The following L3MBTL2 variants were observed in gnomAD, a reference collection of about 807,000 sequenced individuals.
The protein encoded by L3MBTL2 is lethal(3)malignant brain tumor-like protein 2.
L3MBTL2 carries 49 observed loss-of-function variants against 86.4 expected under a neutral mutation model. The observed-to-expected ratio is 0.57, with a 90% CI of 0.45 to 0.72. L3MBTL2 has a LOEUF of 0.72. Ranked by LOEUF, L3MBTL2 falls within the 30% of genes least tolerant of loss-of-function variation. L3MBTL2 has a pLI of 0.00. For synonymous variants in L3MBTL2, 336 were observed against 350.6 expected, an observed-to-expected ratio of 0.96 and a Z score of 0.47; for missense variants, 755 against 923.7, an observed-to-expected ratio of 0.82 and a Z score of 2.37.
rs542966109 is a variant in L3MBTL2, at chr22:41,227,465, G to A, written c.1822+142G>A. 27 of 1,204,460 alleles carry A rather than the reference G, an allele frequency of 2.2e-5. No individual in the cohort carries two copies. Among genetic ancestry groups the A allele is most frequent in the South Asian group, 5.3e-5 (4 of 75,406 alleles). The allele number at this position is 1,204,460 out of a possible 1,614,324, so 74.6% of individuals were successfully genotyped here. ...CCACTTTAAGTAGAGAGTGAGCCCC[G>A]TCACCCAGCCCCTGCTCCTGACTTC... On this transcript the variant is annotated intron_variant, in intron 14 of 16. Transcript: ENST00000216237. The surrounding 1 kb of genome is among the most constrained non-coding windows in gnomAD (Gnocchi z 6.0).
Position 41,227,719 on chromosome 22 carries a change from G to A in L3MBTL2, c.1823-85G>A, listed in dbSNP as rs930384811. 2.3e-5 allele frequency: 37 copies of A among 1,605,780 alleles called. No homozygotes were observed. In the Middle Eastern group the frequency reaches 5.0e-4, roughly 22 times the overall value. On this transcript the variant is annotated intron_variant, in intron 14 of 16. Transcript: ENST00000216237. The surrounding 1 kb of genome is among the most constrained non-coding windows in gnomAD (Gnocchi z 6.0). ...CTTGGGGTGTCTCGTGTGGGAGGGT[G>A]GATGGGGTCTCGGGATGCGCCTGTG...
chr22:41,225,970 T>C lies in L3MBTL2; in HGVS notation c.1504+29T>C. The C allele has an allele frequency of 6.2e-7, 1 of 1,610,038 alleles. No individual in the cohort carries two copies. The highest frequency in any genetic ancestry group is 1.3e-5 in the African/African-American group (1 of 75,012). Reference sequence around the variant, plus strand: ...AGACTAGAGAGGCCACCACCTGCTGTCCTTGCCATCAGAAGGGGCAGGGTG... The same window carrying C: ...AGACTAGAGAGGCCACCACCTGCTGCCCTTGCCATCAGAAGGGGCAGGGTG... On this transcript the variant is annotated intron_variant, in intron 12 of 16. Transcript: ENST00000216237. The surrounding 1 kb of genome is among the most constrained non-coding windows in gnomAD (Gnocchi z 4.1).
At chr22:41,219,357 A>G in intron 5 of L3MBTL2, 62 bp from the exon 6 acceptor site, 1 of 1,254,028 alleles carries the variant, frequency 8.0e-7, no homozygotes, top group Non-Finnish European at 1.2e-6. Context: ...GCCGTGAGGC[A>G]GTCTGTCTCC....
rs892595851 is a variant in L3MBTL2 at position 41,225,498 on chromosome 22, G to C, written c.1357-296G>C. Among the ~76,000 whole-genome samples the C allele has an allele frequency of 6.6e-6, 1 of 152,000 alleles. No individual in the cohort carries two copies. Among genetic ancestry groups the C allele is most frequent in the Non-Finnish European group, 1.5e-5 (1 of 67,996 alleles). ...TGGAGGAGGCTGCTGACTCGTCCTC[G>C]CCGCGGATCCGCTCCATGCCGGGCG... On this transcript the variant is annotated intron_variant, in intron 11 of 16. Transcript: ENST00000216237. This position sits in a 1 kb window ranked among gnomAD's most constrained non-coding sequence, Gnocchi z 4.1.
At position 41,221,251 on chromosome 22, in the gene L3MBTL2, G is replaced by A; in HGVS notation, c.906G>A (p.Val302=). 6.4e-7 allele frequency: 1 copy of A among 1,551,530 alleles called. No homozygotes were observed. Among genetic ancestry groups the A allele is most frequent in the Non-Finnish European group, 8.7e-7 (1 of 1,146,806 alleles). Residue 302 remains valine (V), a synonymous_variant, in exon 8 of 17, where the codon GTG becomes GTA. Transcript: ENST00000216237. Reference sequence around the variant, plus strand: ...AGGGCTACCTCATGAAACGGCTGGTGGGCTCCAGGACGCTTCCCGTGGATT... The same window carrying A: ...AGGGCTACCTCATGAAACGGCTGGTAGGCTCCAGGACGCTTCCCGTGGATT... ...DWKGYLMKRL[V]GSRTLPVDFH...
chr22:41,211,223 C>T (rs1354382035), intron 2 of L3MBTL2, among the ~76,000 whole-genome samples: 2 of 152,096 alleles, frequency 1.3e-5, no homozygotes, highest in Admixed American at 6.6e-5. Flanking sequence ...TATTTTGAGG[C>T]AGGGTCTCAC....
intron 1 of L3MBTL2, chr22:41,208,342 C>G (rs117279218): frequency 0.046 from 20,637 of 445,432 alleles, 671 homozygotes; most frequent in Non-Finnish European, 0.063. Flanking sequence ...GTTGCCAAGG[C>G]TGGTCTCAAA....
intron 3 of L3MBTL2, among the ~76,000 whole-genome samples, chr22:41,215,346 C>T (rs1236531892): frequency 2.6e-5 from 4 of 152,042 alleles, no homozygotes; most frequent in African/African-American, 9.7e-5. Flanking sequence ...GTCCAATTAA[C>T]GATCTTAAAA....
In L3MBTL2 at chr22:41,205,317, A is replaced by G. The variant is rs2030107762; in HGVS notation, c.-46A>G. The G allele has an allele frequency of 1.2e-6, 2 of 1,612,594 alleles. No homozygotes were observed. The highest frequency in any genetic ancestry group is 1.3e-5 in the African/African-American group (1 of 74,910). ...CTCGCGGAGAGCGACGGGGCAGGCC[A>G]ATATGGCTTCCTGCACCTGGTGACG... is the stretch of plus-strand genomic sequence containing the variant. On this transcript the variant is annotated 5_prime_UTR_variant, in exon 1 of 17. Coordinates refer to ENST00000216237, the MANE Select transcript of L3MBTL2 (RefSeq NM_031488.5).
Position 41,230,386 on chromosome 22 carries a change from TGGAC to T in L3MBTL2, c.*138_*141del. Reference sequence around the variant, plus strand: ...AAATTCTGCCCGGTGCTGTGAAGGCTGGACGGTGGAGGACCTGCTGGGGTCTCCT... The same window carrying T: ...AAATTCTGCCCGGTGCTGTGAAGGCTGGTGGAGGACCTGCTGGGGTCTCCT... On this transcript the variant is annotated 3_prime_UTR_variant, in exon 17 of 17. Coordinates refer to ENST00000216237, the MANE Select transcript of L3MBTL2 (RefSeq NM_031488.5). The T allele has an allele frequency of 1.5e-6, 1 of 688,550 alleles. No homozygotes were observed. The highest frequency in any genetic ancestry group is 2.5e-6 in the Non-Finnish European group (1 of 397,182). 42.7% of individuals were successfully genotyped at this position (688,550 alleles called of 1,614,324 possible).
chr22:41,230,093 C>CCCCGGT, intron 16 of L3MBTL2, 46 bp from the exon 17 acceptor site: 1 of 965,786 alleles, frequency 1.0e-6, no homozygotes. Context: ...CCACCCCTCC[C>CCCCGGT]AGAGTTATTT....
chr22:41,212,055 G>A (rs527950564), intron 2 of L3MBTL2, among the ~76,000 whole-genome samples: 6 of 150,290 alleles, frequency 4.0e-5, no homozygotes, highest in African/African-American at 1.2e-4. Flanking sequence ...TAGTAGAGAC[G>A]GGGTTTCACC....
intron 2 of L3MBTL2, chr22:41,210,143 CTTTTTTTT>C (rs869292228): frequency 2.5e-5 from 4 of 162,882 alleles, no homozygotes; most frequent in Non-Finnish European, 3.5e-5. Flanking sequence ...AGTCTAATTT[CTTTTTTTT>C]TTTTTTTTTT....
chr22:41,228,274 C>T lies in L3MBTL2; in HGVS notation c.1888+405C>T, dbSNP rs947685300. On this transcript the variant is annotated intron_variant, in intron 15 of 16. Coordinates refer to ENST00000216237, the MANE Select transcript of L3MBTL2 (RefSeq NM_031488.5). ...GTCTCTCCAAGGCTGTCATTCTTAC[C>T]TCGAGACCTCTTTGAGGGTGGGAGA... is the stretch of plus-strand genomic sequence containing the variant. 7 of 985,338 alleles carry T rather than the reference C, an allele frequency of 7.1e-6. No individual in the cohort carries two copies. The Admixed American group carries it at 3.1e-4, about 43-fold the overall frequency. 61.0% of individuals were successfully genotyped at this position (985,338 alleles called of 1,614,324 possible).
intron 13 of L3MBTL2, 118 bp from the exon 14 acceptor site, chr22:41,226,971 A>G (rs1423322288): frequency 6.7e-6 from 6 of 900,178 alleles, no homozygotes; most frequent in Non-Finnish European, 1.0e-5. Flanking sequence ...AAGCTGCCCC[A>G]GCAGCCATTC....
intron 15 of L3MBTL2, among the ~76,000 whole-genome samples, chr22:41,228,804 C>G (rs997461663): frequency 1.3e-5 from 2 of 151,190 alleles, no homozygotes; most frequent in Admixed American, 1.3e-4. Context: ...GAGCCCAGAT[C>G]GCTCCACTTC....
At chr22:41,208,275 G>A (rs777185942) in intron 1 of L3MBTL2, 10 of 432,268 alleles carry the variant, frequency 2.3e-5, no homozygotes, top group East Asian at 7.8e-5. Context: ...GACTACAGGC[G>A]CATGCCACCA....
At chr22:41,206,333 C>T (rs933810156) in intron 1 of L3MBTL2, among the ~76,000 whole-genome samples, 3 of 151,886 alleles carry the variant, frequency 2.0e-5, no homozygotes, top group Non-Finnish European at 2.9e-5. Context: ...ATTTAAGAGA[C>T]GGGGTGTTCC....
chr22:41,213,445 A>G (rs2031073988), intron 2 of L3MBTL2, among the ~76,000 whole-genome samples: 1 of 139,466 alleles, frequency 7.2e-6, no homozygotes, highest in African/African-American at 2.7e-5. Flanking sequence ...CCCCCGCCAA[A>G]TCACACCTGG....
Sources: gnomAD v4.1 joint callset for allele counts (sites outside exome capture counted in the v4.1 genomes callset) on GRCh38, gnomAD v4.1.1 for gene constraint, Gnocchi (gnomAD v3.1) non-coding constraint, MANE v1.5 for transcripts, NCBI Gene and HGNC (gene_info 2026-07-23, HGNC 2026-07-21) for gene names.